Variants in MED12L observed in about 807,000 individuals in gnomAD.
MED12L encodes mediator complex subunit 12L, also known as mediator of RNA polymerase II transcription subunit 12-like protein.
A neutral mutation model predicts 281.3 loss-of-function variants in MED12L; 60 were observed. The ratio of observed to expected loss-of-function variants is 0.21; its 90% CI spans 0.17 to 0.26. The LOEUF (loss-of-function observed/expected upper bound fraction) is 0.26. Ranked by LOEUF, MED12L falls within the 10% of genes least tolerant of loss-of-function variation. The pLI, the probability that MED12L is intolerant of heterozygous loss-of-function variation, is 1.00. For synonymous variants in MED12L, 974 were observed against 987.2 expected (o/e 0.99, Z 0.25); for missense variants, 2,146 against 2,680.9 (o/e 0.80, Z 4.41).
intron 24 of MED12L, among the ~76,000 whole-genome samples, 188 bp downstream of exon 24, chr3:151,367,954 G>T (rs6782457): frequency 0.075 from 11,351 of 152,068 alleles, 1,453 homozygotes; most frequent in African/African-American, 0.26. Context: ...CCGTGAAAAA[G>T]GTGGGAAACT....
At chr3:151,410,395 G>A (rs1035829681) in intron 40 of MED12L, among the ~76,000 whole-genome samples, 6 of 152,210 alleles carry the variant, frequency 3.9e-5, no homozygotes, top group Non-Finnish European at 8.8e-5. Flanking sequence ...CAGGCACTGC[G>A]TCCTTCAGCC....
chr3:151,189,940 T>A (rs1434808395), intron 13 of MED12L, among the ~76,000 whole-genome samples: 3 of 152,248 alleles, frequency 2.0e-5, no homozygotes, highest in Non-Finnish European at 4.4e-5. Flanking sequence ...CCGTGGATCC[T>A]GCTTACATTT....
intron 12 of MED12L, among the ~76,000 whole-genome samples, chr3:151,187,589 A>C (rs1022110245): frequency 6.6e-6 from 1 of 152,212 alleles, no homozygotes; most frequent in Admixed American, 6.5e-5. Flanking sequence ...TGATCAAAGG[A>C]ATATAACAAA....
intron 16 of MED12L, among the ~76,000 whole-genome samples, chr3:151,308,664 T>C (rs1747032740): frequency 2.6e-5 from 4 of 152,198 alleles, no homozygotes; most frequent in Admixed American, 2.6e-4. Context: ...AATAGCATCC[T>C]GTGGCTTAAG....
At chr3:151,267,673 T>G (rs6793672) in intron 16 of MED12L, among the ~76,000 whole-genome samples, 1,897 of 152,210 alleles carry the variant, frequency 0.012, 40 homozygotes, top group African/African-American at 0.044. Context: ...TCTTGTAACA[T>G]GTATTACTTA....
At chr3:151,328,653 C>G (rs144496684) in intron 16 of MED12L, 64 of 1,613,726 alleles carry the variant, frequency 4.0e-5, no homozygotes, top group Non-Finnish European at 2.6e-5. Flanking sequence ...GCTATGAGCC[C>G]TAACAGCACG....
chr3:151,267,101 A>G (rs1053624470), intron 16 of MED12L, among the ~76,000 whole-genome samples: 2 of 152,236 alleles, frequency 1.3e-5, no homozygotes, highest in African/African-American at 2.4e-5. Context: ...CTTGCGTGTT[A>G]GAACTCCTTA....
At chr3:151,265,822 T>G (rs752438434) in intron 16 of MED12L, among the ~76,000 whole-genome samples, 2 of 152,114 alleles carry the variant, frequency 1.3e-5, no homozygotes, top group Non-Finnish European at 2.9e-5. Flanking sequence ...TCCCTGCAAA[T>G]TAAAGTCAGA....
At chr3:151,418,778 C>T (rs1717920158) in intron 43 of MED12L, among the ~76,000 whole-genome samples, 1 of 152,200 alleles carries the variant, frequency 6.6e-6, no homozygotes, top group East Asian at 1.9e-4. Context: ...TCTTCACACA[C>T]TACTGTTAGC....
chr3:151,428,636 A>G (rs1362482483), intron 43 of MED12L, among the ~76,000 whole-genome samples: 1 of 152,156 alleles, frequency 6.6e-6, no homozygotes, highest in Non-Finnish European at 1.5e-5. Context: ...CTAGTGGGAG[A>G]GAGAAAGTTG....
intron 5 of MED12L, among the ~76,000 whole-genome samples, chr3:151,149,876 A>T (rs957054616): frequency 1.3e-5 from 2 of 152,196 alleles, no homozygotes; most frequent in Non-Finnish European, 2.9e-5. Flanking sequence ...CTTCATGCTT[A>T]ATTTTACTGG....
intron 5 of MED12L, among the ~76,000 whole-genome samples, chr3:151,153,858 C>T (rs1290118737): frequency 6.6e-6 from 1 of 152,104 alleles, no homozygotes; most frequent in East Asian, 1.9e-4. Context: ...TGTGAGCTAC[C>T]TCACCCGGCC....
In MED12L at chr3:151,432,964, A is replaced by T; in HGVS notation, c.*160A>T. On this transcript the variant is annotated 3_prime_UTR_variant, in exon 45 of 45. Transcript: ENST00000687756. ...CACAAAAAAAAAAAAAGGTGTTTAA[A>T]CAAAAAGCCAAGGAGAAGTTGTGGT... 1.7e-6 allele frequency: 1 copy of T among 573,744 alleles called. No individual in the cohort carries two copies. Among genetic ancestry groups the T allele is most frequent in the Non-Finnish European group, 3.0e-6 (1 of 338,306 alleles). 35.5% of individuals were successfully genotyped at this position (573,744 alleles called of 1,614,324 possible).
intron 11 of MED12L, among the ~76,000 whole-genome samples, chr3:151,175,442 T>C (rs1721929534): frequency 6.6e-6 from 1 of 152,238 alleles, no homozygotes; most frequent in East Asian, 1.9e-4. Flanking sequence ...CAACTCTTTT[T>C]AGTTAGCTGT....
At chr3:151,162,339 G>T (rs549165889) in intron 8 of MED12L, among the ~76,000 whole-genome samples, 1 of 152,142 alleles carries the variant, frequency 6.6e-6, no homozygotes, top group East Asian at 1.9e-4. Context: ...GACATTCTTT[G>T]TATCTGCTAT....
intron 13 of MED12L, 142 bp downstream of exon 13, chr3:151,188,622 G>A (rs1232854304): frequency 5.3e-6 from 4 of 754,870 alleles, no homozygotes; most frequent in African/African-American, 3.5e-5. Context: ...AAATTTTGTG[G>A]CATGTTTTTT....
At chr3:151,308,369 T>C (rs1747004946) in intron 16 of MED12L, among the ~76,000 whole-genome samples, 1 of 152,142 alleles carries the variant, frequency 6.6e-6, no homozygotes, top group South Asian at 2.1e-4. Context: ...ACATGTATTT[T>C]TATTTTCTGT....
intron 16 of MED12L, among the ~76,000 whole-genome samples, chr3:151,300,718 G>A (rs1219345763): frequency 6.6e-6 from 1 of 152,194 alleles, no homozygotes; most frequent in Non-Finnish European, 1.5e-5. Flanking sequence ...TGCTTAAAGA[G>A]ACCCCAGGTA....
At position 151,361,910 on chromosome 3, in the gene MED12L, G is replaced by A. The variant is rs143953725; in HGVS notation, c.2957+1305G>A. 2.0e-3 allele frequency among the ~76,000 whole-genome samples: 307 copies of A among 152,238 alleles called. 2 individuals are homozygous for A. The highest frequency in any genetic ancestry group is 6.1e-3 in the African/African-American group (254 of 41,554). ...GCAGCACTAGGGCTGGAAAGTAAATGCTTATTTAATGTTATTTTGAGGACA... is the reference window on the plus strand; with the variant it reads ...GCAGCACTAGGGCTGGAAAGTAAATACTTATTTAATGTTATTTTGAGGACA... On this transcript the variant is annotated intron_variant, in intron 21 of 44. Coordinates refer to ENST00000687756, the MANE Select transcript of MED12L (RefSeq NM_001393769.1).
Sources: gnomAD v4.1 joint callset for allele counts (sites outside exome capture counted in the v4.1 genomes callset) on GRCh38, gnomAD v4.1.1 for gene constraint, MANE v1.5 for transcripts, NCBI Gene and HGNC (gene_info 2026-07-23, HGNC 2026-07-21) for gene names.